Variants in KIF1B observed in about 807,000 individuals in gnomAD.
The protein encoded by KIF1B is kinesin-like protein KIF1B.
In KIF1B, 76 loss-of-function variants were observed where a neutral mutation model predicts 241.9. The ratio of observed to expected loss-of-function variants is 0.31; its 90% CI spans 0.26 to 0.38. The LOEUF is 0.38. Among genes scored for constraint, KIF1B ranks in the 10% least tolerant of loss-of-function variants. The probability of loss-of-function intolerance (pLI) is 1.00; values close to 1 mark genes in which losing one functional copy is unlikely to be tolerated. For missense variants in KIF1B, 1,622 were observed against 2,271.4 expected (o/e 0.71, Z 5.81); for synonymous variants, 750 against 796.7 (o/e 0.94, Z 0.99).
intron 1 of KIF1B, among the ~76,000 whole-genome samples, chr1:10,219,151 T>C (rs1264468591): frequency 3.9e-5 from 6 of 152,164 alleles, no homozygotes; most frequent in Non-Finnish European, 8.8e-5. Context: ...AGAAAATTGT[T>C]ATAAACATCC....
At chr1:10,361,569 T>G (rs1305236577) in intron 39 of KIF1B, 123 bp from the exon 40 acceptor site, 10 of 1,133,190 alleles carry the variant, frequency 8.8e-6, no homozygotes, top group Non-Finnish European at 1.3e-5. Context: ...GTTGAAATAA[T>G]TGGTGGAGCT....
chr1:10,309,308 G>T (rs1381028254), intron 22 of KIF1B, among the ~76,000 whole-genome samples: 1 of 152,162 alleles, frequency 6.6e-6, no homozygotes, highest in African/African-American at 2.4e-5. Flanking sequence ...CAGGTACTTT[G>T]TAATCCTTTG....
At chr1:10,345,737 C>A in intron 34 of KIF1B, 108 bp from the exon 35 acceptor site, 1 of 796,730 alleles carries the variant, frequency 1.3e-6, no homozygotes. Context: ...TCCTCTGACT[C>A]TTGCTGCCTT....
intron 15 of KIF1B, among the ~76,000 whole-genome samples, chr1:10,288,841 G>C (rs1649844040): frequency 6.6e-6 from 1 of 151,772 alleles, no homozygotes; most frequent in East Asian, 1.9e-4. Context: ...CCTTGCCTTT[G>C]GTATGTTTTT....
rs1053084461 is a variant in KIF1B, at chr1:10,316,199, C to T, written c.2116-3844C>T. The stretch of plus-strand genomic sequence containing the variant: ...AGTGAGCTATGATTGTACCATTGCA[C>T]CCCAGCCTGGGTGACAGAGGGAGAC... On this transcript the variant is annotated intron_variant, in intron 22 of 48. Coordinates refer to ENST00000676179, the MANE Select transcript of KIF1B (RefSeq NM_001365951.3). Among the ~76,000 whole-genome samples, 10 of 150,328 alleles carry T rather than the reference C, an allele frequency of 6.7e-5. 1 individual carries two copies. The highest frequency in any genetic ancestry group is 2.5e-4 in the African/African-American group (10 of 40,106).
At chr1:10,304,115 A>G (rs762802564) in intron 22 of KIF1B, 4 of 1,614,196 alleles carry the variant, frequency 2.5e-6, no homozygotes, top group Non-Finnish European at 3.4e-6. Context: ...CCTGGGACAC[A>G]TATCATCATA....
intron 1 of KIF1B, among the ~76,000 whole-genome samples, chr1:10,220,559 A>G (rs911902500): frequency 6.6e-6 from 1 of 152,050 alleles, no homozygotes; most frequent in African/African-American, 2.4e-5. Context: ...GTACCCAGCT[A>G]CTCCTGAGGC....
At chr1:10,272,446 A>T in intron 9 of KIF1B, 140 bp downstream of exon 9, 1 of 707,188 alleles carries the variant, frequency 1.4e-6, no homozygotes, top group South Asian at 1.5e-5. Flanking sequence ...AGCTTTTCAG[A>T]TAAGATACTA....
At position 10,295,643 on chromosome 1, in the gene KIF1B, C is replaced by CT. The variant is rs771878894; in HGVS notation, c.1671-14dup. On this transcript the variant is annotated splice_polypyrimidine_tract_variant and intron_variant, in intron 18 of 48. Transcript: ENST00000676179. The stretch of plus-strand genomic sequence containing the variant: ...TGTGTCTGAATTTCCCTGGGAAACA[C>CT]TTTCTCTTGTGTTCAGGGTTGGCCA... 1 of 1,610,148 alleles carries CT rather than the reference C, an allele frequency of 6.2e-7. No individual in the cohort carries two copies. The highest frequency in any genetic ancestry group is 8.5e-7 in the Non-Finnish European group (1 of 1,176,936).
At chr1:10,256,151 T>A (rs1647769142) in intron 2 of KIF1B, 96 bp from the exon 3 acceptor site, 1 of 809,222 alleles carries the variant, frequency 1.2e-6, no homozygotes. Flanking sequence ...TGGTATGAAT[T>A]TACTGATTGG....
At chr1:10,376,431 C>G (rs537169423) in intron 48 of KIF1B, 114 bp from the exon 49 acceptor site, 6 of 1,015,540 alleles carry the variant, frequency 5.9e-6, no homozygotes, top group Non-Finnish European at 9.4e-6. Context: ...AGGACTAGGC[C>G]TGCGGTGCCA....
At chr1:10,263,987 GT>G (rs1325999797) in intron 5 of KIF1B, among the ~76,000 whole-genome samples, 1 of 152,106 alleles carries the variant, frequency 6.6e-6, no homozygotes, top group African/African-American at 2.4e-5. Context: ...TGCCTGAAAT[GT>G]TGTTCACTTG....
At chr1:10,288,526 G>C (rs1040450246) in intron 15 of KIF1B, among the ~76,000 whole-genome samples, 1 of 152,112 alleles carries the variant, frequency 6.6e-6, no homozygotes, top group Non-Finnish European at 1.5e-5. Flanking sequence ...AGCCATTTCA[G>C]GTGGTTTTTG....
At chr1:10,304,750 A>C in intron 22 of KIF1B, 11 of 1,544,702 alleles carry the variant, frequency 7.1e-6, no homozygotes, top group Non-Finnish European at 9.6e-6. Flanking sequence ...TATTATTTAC[A>C]TTATAAATAT....
At chr1:10,246,409 G>C (rs989651852) in intron 2 of KIF1B, among the ~76,000 whole-genome samples, 9 of 152,102 alleles carry the variant, frequency 5.9e-5, no homozygotes, top group Non-Finnish European at 1.2e-4. Context: ...CTGTCTCTCT[G>C]CTTTTGCCCT....
At chr1:10,293,166 T>G (rs189300867) in intron 17 of KIF1B, among the ~76,000 whole-genome samples, 4 of 152,010 alleles carry the variant, frequency 2.6e-5, no homozygotes, top group Non-Finnish European at 5.9e-5. Context: ...TAGATGCATA[T>G]TGTAGAATAG....
intron 1 of KIF1B, among the ~76,000 whole-genome samples, chr1:10,226,457 G>A (rs983586712): frequency 2.0e-5 from 3 of 152,122 alleles, no homozygotes; most frequent in South Asian, 2.1e-4. Context: ...CCACCAAGGA[G>A]GTTTCAGCCT....
intron 2 of KIF1B, among the ~76,000 whole-genome samples, chr1:10,235,132 C>T (rs751065686): frequency 2.6e-5 from 4 of 151,652 alleles, no homozygotes; most frequent in Non-Finnish European, 5.9e-5. Context: ...TCAGGTCATC[C>T]GCCTGCCTCA....
rs766990114 is a variant in KIF1B, at chr1:10,365,470, C to T, written c.4574C>T (p.Ser1525Phe). 9 of 1,614,176 alleles carry T rather than the reference C, an allele frequency of 5.6e-6. No homozygotes were observed. The highest frequency in any genetic ancestry group is 7.6e-6 in the Non-Finnish European group (9 of 1,180,032). The change falls in exon 43 of 49, where the codon TCC becomes TTC. Residue 1525 changes from serine (S) to phenylalanine (F), a missense_variant. This residue lies in a region of KIF1B where 357 missense variants were observed against 409.0 expected (regional missense o/e 0.87). Transcript: ENST00000676179. The surrounding 1 kb of genome is among the most constrained non-coding windows in gnomAD (Gnocchi z 4.0). ...RERLGDSIPKSLSDSLSPSLS... is the reference protein window; with the variant it reads ...RERLGDSIPKFLSDSLSPSLS... The stretch of plus-strand genomic sequence containing the variant: ...AGACTTGGTGACAGCATCCCCAAAT[C>T]CCTGAGCGACTCGTTATCCCCCAGC...
Sources: gnomAD v4.1 joint callset for allele counts (sites outside exome capture counted in the v4.1 genomes callset) on GRCh38, gnomAD v4.1.1 for gene constraint, gnomAD v4.1.1 regional missense constraint, Gnocchi (gnomAD v3.1) non-coding constraint, MANE v1.5 for transcripts, NCBI Gene and HGNC (gene_info 2026-07-23, HGNC 2026-07-21) for gene names.